FLNB: variants seen among roughly 807,000 people sequenced by gnomAD.
FLNB encodes the protein filamin-B.
A neutral mutation model predicts 250.6 loss-of-function variants in FLNB; 111 were observed. The observed-to-expected ratio is 0.44, with a 90% CI of 0.38 to 0.52. The LOEUF is 0.52. Among genes scored for constraint, FLNB ranks in the 20% least tolerant of loss-of-function variants. FLNB has a pLI of 0.00. For synonymous variants in FLNB, 1,302 were observed against 1,372.1 expected (o/e 0.95, Z 1.13); for missense variants, 2,869 against 3,447.8 (o/e 0.83, Z 4.20).
rs551541853 is a variant in FLNB at position 58,142,701 on chromosome 3, A to C, written c.5233A>C (p.Lys1745Gln). Reference sequence around the variant, plus strand: ...GAGTGACATGAACGGCCTGGGATTTAAGCCTTTTGACCTGGTCATTCCGTT... The same window carrying C: ...GAGTGACATGAACGGCCTGGGATTTCAGCCTTTTGACCTGGTCATTCCGTT... ...PVSDMNGLGF[K>Q]PFDLVIPFAV... The change falls in exon 31 of 46, where the codon AAG (lysine) becomes CAG (glutamine). Residue 1745 changes from lysine (K) to glutamine (Q), a missense_variant. Physicochemically the swap from Lys to Gln is moderately conservative, Grantham distance 53. This residue lies in a region of FLNB where 1,084 missense variants were observed against 1,315.5 expected (regional missense o/e 0.82). Coordinates refer to ENST00000295956, the MANE Select transcript of FLNB (RefSeq NM_001457.4). The surrounding 1 kb of genome is among the most constrained non-coding windows in gnomAD (Gnocchi z 4.3). 27 of 1,614,222 alleles carry C rather than the reference A, an allele frequency of 1.7e-5. No homozygotes were observed. In the East Asian group the frequency reaches 5.6e-4, roughly 33 times the overall value.
intron 10 of FLNB, 70 bp downstream of exon 10, chr3:58,104,155 C>T: frequency 6.6e-7 from 1 of 1,523,584 alleles, no homozygotes; most frequent in Non-Finnish European, 9.0e-7. Context: ...TGGGTAGTTG[C>T]TTCCCGGGCT....
intron 44 of FLNB, 65 bp downstream of exon 44, chr3:58,168,723 A>G: frequency 8.4e-7 from 1 of 1,189,828 alleles, no homozygotes; most frequent in Non-Finnish European, 1.3e-6. Flanking sequence ...CAGATCAATC[A>G]TAGTGGAAAC....
rs147202264 is a variant in FLNB, at chr3:58,016,056, G to A, written c.292+7200G>A. Among the ~76,000 whole-genome samples, 892 of 151,374 alleles carry A rather than the reference G, an allele frequency of 5.9e-3. 5 individuals are homozygous for A. The highest frequency in any genetic ancestry group is 0.031 in the Middle Eastern group (9 of 294). On this transcript the variant is annotated intron_variant, in intron 1 of 45. Transcript: ENST00000295956. ...TGGGGTATGCTCCTTGAGTTTGTTT[G>A]TTTGTTTTTTTTTTTGAGTTGGAGT... is the stretch of plus-strand genomic sequence containing the variant.
intron 44 of FLNB, 109 bp downstream of exon 44, chr3:58,168,767 G>A: frequency 1.2e-6 from 1 of 826,844 alleles, no homozygotes; most frequent in South Asian, 1.4e-5. Flanking sequence ...AAGCTACTTT[G>A]AACTTTGAAT....
At chr3:58,021,677 C>T (rs908990483) in intron 1 of FLNB, among the ~76,000 whole-genome samples, 2 of 152,202 alleles carry the variant, frequency 1.3e-5, no homozygotes, top group African/African-American at 4.8e-5. Context: ...ATTGTCTCTC[C>T]TATCCCTTTT....
chr3:58,123,736 G>A, intron 21 of FLNB, 46 bp downstream of exon 21: 2 of 1,469,218 alleles, frequency 1.4e-6, no homozygotes, highest in Non-Finnish European at 1.9e-6. Context: ...AGACAAGCTG[G>A]GACTTAAGGG....
At chr3:58,150,469 G>T (rs552424963) in intron 38 of FLNB, 7 of 568,234 alleles carry the variant, frequency 1.2e-5, no homozygotes, top group African/African-American at 1.9e-5. Flanking sequence ...TAGCTTTATT[G>T]TGTCACATGG....
At chr3:58,146,336 G>A (rs2097335743) in intron 33 of FLNB, among the ~76,000 whole-genome samples, 1 of 152,152 alleles carries the variant, frequency 6.6e-6, no homozygotes, top group Non-Finnish European at 1.5e-5. Context: ...TTTTGTTCTT[G>A]TTGCACATGT....
At chr3:58,141,480 A>G (rs184341389) in intron 29 of FLNB, among the ~76,000 whole-genome samples, 14 of 152,258 alleles carry the variant, frequency 9.2e-5, no homozygotes, top group African/African-American at 3.4e-4. Flanking sequence ...CCTGACTGCC[A>G]TGTTCCACTG....
intron 1 of FLNB, among the ~76,000 whole-genome samples, chr3:58,046,830 T>C (rs901752830): frequency 6.6e-6 from 1 of 152,210 alleles, no homozygotes; most frequent in African/African-American, 2.4e-5. Flanking sequence ...AAACCACTAA[T>C]CTACTCTGTC....
rs370142959 is a variant in FLNB at position 58,118,898 on chromosome 3, C to T, written c.2772C>T (p.Tyr924=). 87 of 1,613,840 alleles carry T rather than the reference C, an allele frequency of 5.4e-5. 1 individual carries two copies. Among genetic ancestry groups the T allele is most frequent in the South Asian group, 4.5e-4 (41 of 91,078 alleles). The change falls in exon 19 of 46, where the codon TAC becomes TAT. Residue 924 remains tyrosine (Y), a synonymous_variant. Coordinates refer to ENST00000295956, the MANE Select transcript of FLNB (RefSeq NM_001457.4). The part of the protein sequence containing the change: ...QQGNMQVLVT[Y]GGDPIPKSPF... ...GCAACATGCAGGTTCTGGTGACTTACGGTGGCGATCCCATCCCTAAAAGCC... is the reference window on the plus strand; with the variant it reads ...GCAACATGCAGGTTCTGGTGACTTATGGTGGCGATCCCATCCCTAAAAGCC...
intron 1 of FLNB, among the ~76,000 whole-genome samples, chr3:58,065,058 T>G (rs2097183650): frequency 6.6e-6 from 1 of 152,012 alleles, no homozygotes; most frequent in South Asian, 2.1e-4. Flanking sequence ...AAAAAAAAAT[T>G]CCCCAGTTCT....
Position 58,142,037 on chromosome 3 carries a change from T to TC in FLNB, c.5181+109dup. The TC allele has an allele frequency of 1.1e-6, 1 of 896,466 alleles. No homozygotes were observed. The highest frequency in any genetic ancestry group is 1.4e-5 in the South Asian group (1 of 73,684). The allele number at this position is 896,466 out of a possible 1,614,324, so 55.5% of individuals were successfully genotyped here. On this transcript the variant is annotated intron_variant, in intron 30 of 45. Transcript: ENST00000295956. The surrounding 1 kb of genome is among the most constrained non-coding windows in gnomAD (Gnocchi z 4.3). ...TGCTTAAGCCCTGTGGGTGTCCTGGTCATTGGTGTGCCCCTCACTGATCAG... is the reference window on the plus strand; with the variant it reads ...TGCTTAAGCCCTGTGGGTGTCCTGGTCCATTGGTGTGCCCCTCACTGATCAG...
intron 16 of FLNB, among the ~76,000 whole-genome samples, chr3:58,110,839 G>A (rs913623534): frequency 2.0e-5 from 3 of 152,132 alleles, no homozygotes; most frequent in South Asian, 2.1e-4. Flanking sequence ...CCAAAGTGTT[G>A]GGATTATAGG....
chr3:58,052,046 C>G (rs2097163263), intron 1 of FLNB, among the ~76,000 whole-genome samples: 1 of 152,064 alleles, frequency 6.6e-6, no homozygotes, highest in East Asian at 1.9e-4. Flanking sequence ...GCCGCCACAC[C>G]CTGCTAGTTT....
chr3:58,130,074 A>ACCAGGTGG lies in FLNB; in HGVS notation c.4223-664_4223-657dup, dbSNP rs2097304384. On this transcript the variant is annotated intron_variant, in intron 24 of 45. Coordinates refer to ENST00000295956, the MANE Select transcript of FLNB (RefSeq NM_001457.4). Reference sequence around the variant, plus strand: ...ACACTCAGGAAGACGGCAAGGCTTCACCAGGTGGCCGAGTGACCGAGAAGG... The same window carrying ACCAGGTGG: ...ACACTCAGGAAGACGGCAAGGCTTCACCAGGTGGCCAGGTGGCCGAGTGACCGAGAAGG... Among the ~76,000 whole-genome samples the ACCAGGTGG allele has an allele frequency of 2.0e-5, 3 of 152,180 alleles. No individual in the cohort carries two copies. In the South Asian group the frequency reaches 6.2e-4, roughly 32 times the overall value.
rs774310256 is a variant in FLNB, at chr3:58,153,644, G to A, written c.6634+3G>A. 8.1e-6 allele frequency: 13 copies of A among 1,613,856 alleles called. No individual in the cohort carries two copies. Among genetic ancestry groups the A allele is most frequent in the Non-Finnish European group, 1.0e-5 (12 of 1,179,956 alleles). ...GAGAGGAGAAGCGGGAGTCCCAGGT[G>A]AGCATTGCGGGCAGGATTTTCACTT... On this transcript the variant is annotated splice_donor_region_variant and intron_variant, in intron 39 of 45. Transcript: ENST00000295956.
rs1266384574 is a variant in FLNB at position 58,126,702 on chromosome 3, A to C, written c.4162A>C (p.Ile1388Leu). The change falls in exon 24 of 46, where the codon ATT (isoleucine) becomes CTT (leucine). Residue 1388 changes from isoleucine to leucine, a missense_variant. Around this residue, in one of 5 missense-constraint regions of FLNB, gnomAD observed 1,348 missense variants for 1,466.7 expected, o/e 0.92. Transcript: ENST00000295956. Reference protein sequence around the residue: ...NKDGSCSAEYIPFAPGDYDVN... With the variant: ...NKDGSCSAEYLPFAPGDYDVN... Reference sequence around the variant, plus strand: ...GGATGGCAGCTGCAGTGCTGAGTACATTCCTTTCGCACCGGGGGATTACGA... The same window carrying C: ...GGATGGCAGCTGCAGTGCTGAGTACCTTCCTTTCGCACCGGGGGATTACGA... 13 of 1,613,968 alleles carry C rather than the reference A, an allele frequency of 8.1e-6. No homozygotes were observed. Among genetic ancestry groups the C allele is most frequent in the African/African-American group, 2.7e-5 (2 of 74,932 alleles).
Position 58,169,624 on chromosome 3 carries a change from G to A in FLNB, c.7452G>A (p.Glu2484=), listed in dbSNP as rs1182577104. The part of the protein sequence containing the change: ...QRLVSPGSAN[E]TSSILVESVT... ...TAGTTAGCCCTGGCTCAGCCAACGA[G>A]ACCTCATCCATCCTGGTGGAGTCAG... The change falls in exon 45 of 46, where the codon GAG becomes GAA. Residue 2484 remains glutamate (E), a synonymous_variant. Transcript: ENST00000295956. This position sits in a 1 kb window ranked among gnomAD's most constrained non-coding sequence, Gnocchi z 4.8. The A allele has an allele frequency of 7.4e-6, 12 of 1,614,196 alleles. No homozygotes were observed. Among genetic ancestry groups the A allele is most frequent in the Non-Finnish European group, 1.0e-5 (12 of 1,180,026 alleles).
Sources: allele counts gnomAD v4.1 joint callset (sites outside exome capture counted in the v4.1 genomes callset), GRCh38; gene constraint gnomAD v4.1.1; regional missense constraint gnomAD v4.1.1; non-coding constraint Gnocchi (gnomAD v3.1); transcripts MANE v1.5; gene names NCBI Gene and HGNC (gene_info 2026-07-23, HGNC 2026-07-21).